PCBP3: variants seen among roughly 807,000 people sequenced by gnomAD.
PCBP3 encodes the protein poly(rC)-binding protein 3.
In PCBP3, 25 loss-of-function variants were observed where a neutral mutation model predicts 52.7. The observed-to-expected ratio is 0.47, with a 90% CI of 0.35 to 0.66. The LOEUF (loss-of-function observed/expected upper bound fraction) is 0.66, where lower values mean the gene tolerates loss of function less well. PCBP3 is among the 30% of genes least tolerant of loss of function. The probability of loss-of-function intolerance (pLI) is 0.01; values close to 1 mark genes in which losing one functional copy is unlikely to be tolerated. For missense variants in PCBP3, 391 were observed against 490.3 expected (o/e 0.80, Z 1.91); for synonymous variants, 162 against 183.0 (o/e 0.89, Z 0.93).
intron 4 of PCBP3, among the ~76,000 whole-genome samples, chr21:45,825,313 G>A (rs747795878): frequency 6.6e-6 from 1 of 152,224 alleles, no homozygotes; most frequent in Non-Finnish European, 1.5e-5. Flanking sequence ...ACTGCTGCCT[G>A]TCTGCATGGC....
intron 4 of PCBP3, among the ~76,000 whole-genome samples, chr21:45,815,215 AG>A (rs1275197501): frequency 2.9e-5 from 2 of 68,878 alleles, no homozygotes; most frequent in Admixed American, 1.4e-4. Flanking sequence ...GTGATGAGTG[AG>A]TGGTGAGTGA....
At chr21:45,885,607 G>A (rs1008059435) in intron 5 of PCBP3, among the ~76,000 whole-genome samples, 2 of 151,956 alleles carry the variant, frequency 1.3e-5, no homozygotes, top group African/African-American at 4.8e-5. Flanking sequence ...GTTGGGACGG[G>A]GTACTTTCTG....
At chr21:45,725,277 T>G (rs987727520) in intron 2 of PCBP3, among the ~76,000 whole-genome samples, 3 of 152,250 alleles carry the variant, frequency 2.0e-5, no homozygotes, top group Non-Finnish European at 4.4e-5. Flanking sequence ...AGATGACCTC[T>G]GAGCAGATGG....
chr21:45,888,431 C>T (rs2095573281), intron 5 of PCBP3, among the ~76,000 whole-genome samples: 1 of 152,234 alleles, frequency 6.6e-6, no homozygotes, highest in Non-Finnish European at 1.5e-5. Context: ...GCTAGAGCAG[C>T]TCACCCTGCT....
intron 2 of PCBP3, among the ~76,000 whole-genome samples, chr21:45,681,520 C>G (rs1015229453): frequency 6.6e-6 from 1 of 152,128 alleles, no homozygotes; most frequent in South Asian, 2.1e-4. Context: ...GCAACCTGGT[C>G]TTTGGTCAAG....
At chr21:45,842,694 C>G (rs2093723641) in intron 4 of PCBP3, among the ~76,000 whole-genome samples, 2 of 152,178 alleles carry the variant, frequency 1.3e-5, no homozygotes, top group Admixed American at 1.3e-4. Context: ...TCTGTTGACA[C>G]CATGGGGAAG....
intron 13 of PCBP3, among the ~76,000 whole-genome samples, chr21:45,925,738 C>CTAA (rs2075318778): frequency 6.6e-6 from 1 of 152,158 alleles, no homozygotes; most frequent in Non-Finnish European, 1.5e-5. Flanking sequence ...TTACTCATTA[C>CTAA]ATGTTGATAG....
intron 16 of PCBP3, among the ~76,000 whole-genome samples, chr21:45,936,120 G>A (rs1435005534): frequency 2.0e-5 from 3 of 152,218 alleles, no homozygotes; most frequent in African/African-American, 4.8e-5. Flanking sequence ...TGCTGGGCAG[G>A]AAATCTAAGC....
chr21:45,816,498 C>CCCCT (rs2092965605), intron 4 of PCBP3, among the ~76,000 whole-genome samples: 3 of 55,228 alleles, frequency 5.4e-5, no homozygotes, highest in African/African-American at 2.4e-4. Flanking sequence ...TCCTCCCCTT[C>CCCCT]CCCCTCCCCT....
At chr21:45,722,663 C>A (rs2084737218) in intron 2 of PCBP3, among the ~76,000 whole-genome samples, 1 of 152,040 alleles carries the variant, frequency 6.6e-6, no homozygotes, top group Admixed American at 6.6e-5. Flanking sequence ...ATTTACTACA[C>A]TTTCTTAGCA....
At chr21:45,734,119 G>T (rs2085669392) in intron 2 of PCBP3, among the ~76,000 whole-genome samples, 1 of 152,182 alleles carries the variant, frequency 6.6e-6, no homozygotes, top group African/African-American at 2.4e-5. Flanking sequence ...TTGGCAGCTT[G>T]TTGCTGACTT....
chr21:45,709,324 C>T (rs1290475063), intron 2 of PCBP3, among the ~76,000 whole-genome samples: 1 of 152,212 alleles, frequency 6.6e-6, no homozygotes, highest in African/African-American at 2.4e-5. Context: ...ATACCTTAGT[C>T]AGAGGAGAAA....
In PCBP3 at chr21:45,940,032, A is replaced by G. The variant is rs370531045; in HGVS notation, c.912A>G (p.Leu304=). 305 of 1,613,590 alleles carry G rather than the reference A, an allele frequency of 1.9e-4. 3 individuals are homozygous for G. The Middle Eastern group carries it at 2.3e-3, about 12-fold the overall frequency. Residue 304 remains leucine (L), a splice_region_variant and synonymous_variant, in exon 17 of 18, where the codon CTA becomes CTG. Transcript: ENST00000681687. ...AATCCCCCCGTCCTTGTTTCTAGCT[A>G]ATAGGCTGCATAATTGGACGCCAAG... The part of the protein sequence containing the change: ...STHELTIPND[L]IGCIIGRQGT...
intron 1 of PCBP3, among the ~76,000 whole-genome samples, chr21:45,665,709 T>G (rs573509115): frequency 6.6e-6 from 1 of 152,156 alleles, no homozygotes; most frequent in Non-Finnish European, 1.5e-5. Context: ...GAACCGGTAC[T>G]AATCCTACTG....
intron 4 of PCBP3, among the ~76,000 whole-genome samples, chr21:45,764,584 G>T (rs1412250149): frequency 1.3e-5 from 2 of 152,222 alleles, no homozygotes; most frequent in Non-Finnish European, 2.9e-5. Context: ...AGAAACTTCA[G>T]CTGCAGGCTG....
rs1244319035 is a variant in PCBP3 at position 45,800,669 on chromosome 21, A to C, written c.-126+45217A>C. Among the ~76,000 whole-genome samples the C allele has an allele frequency of 6.6e-6, 1 of 152,120 alleles. No homozygotes were observed. Among genetic ancestry groups the C allele is most frequent in the Non-Finnish European group, 1.5e-5 (1 of 68,016 alleles). Reference sequence around the variant, plus strand: ...CCAAGCACCGCATGCAGCCTGGTGCACACCTGTGCCCTCCTGAGCCTGGGT... The same window carrying C: ...CCAAGCACCGCATGCAGCCTGGTGCCCACCTGTGCCCTCCTGAGCCTGGGT... On this transcript the variant is annotated intron_variant, in intron 4 of 17. Coordinates refer to ENST00000681687, the MANE Select transcript of PCBP3 (RefSeq NM_001384156.1). The surrounding 1 kb of genome is among the most constrained non-coding windows in gnomAD (Gnocchi z 5.3).
At chr21:45,901,191 C>T (rs1038849115) in intron 9 of PCBP3, 78 bp downstream of exon 9, 3 of 1,001,690 alleles carry the variant, frequency 3.0e-6, no homozygotes, top group South Asian at 2.6e-5. Flanking sequence ...GTCCTCTCCC[C>T]TACACCTGGA....
At chr21:45,927,723 G>A (rs1173100154) in intron 13 of PCBP3, among the ~76,000 whole-genome samples, 1 of 152,084 alleles carries the variant, frequency 6.6e-6, no homozygotes, top group Non-Finnish European at 1.5e-5. Context: ...CGTATCAGGA[G>A]ACATTTTTGT....
At chr21:45,885,411 A>G (rs2095494331) in intron 5 of PCBP3, among the ~76,000 whole-genome samples, 1 of 152,080 alleles carries the variant, frequency 6.6e-6, no homozygotes, top group African/African-American at 2.4e-5. Flanking sequence ...CAGCTTCTCA[A>G]ATATGTAGGT....
Sources: gnomAD v4.1 joint callset for allele counts (sites outside exome capture counted in the v4.1 genomes callset) on GRCh38, gnomAD v4.1.1 for gene constraint, Gnocchi (gnomAD v3.1) non-coding constraint, MANE v1.5 for transcripts, NCBI Gene and HGNC (gene_info 2026-07-23, HGNC 2026-07-21) for gene names.